PPP3R1: variants seen among roughly 807,000 people sequenced by gnomAD.
PPP3R1 encodes calcineurin subunit B type 1.
In PPP3R1, 5 loss-of-function variants were observed where a neutral mutation model predicts 22.6. The ratio of observed to expected loss-of-function variants is 0.22; its 90% CI spans 0.12 to 0.46. The LOEUF (loss-of-function observed/expected upper bound fraction) is 0.46, where lower values mean the gene tolerates loss of function less well. Among genes scored for constraint, PPP3R1 ranks in the 20% least tolerant of loss-of-function variants. The probability of loss-of-function intolerance (pLI) is 0.99; values close to 1 mark genes in which losing one functional copy is unlikely to be tolerated. For synonymous variants in PPP3R1, 56 were observed against 65.2 expected (o/e 0.86, Z 0.68); for missense variants, 61 against 203.2 (o/e 0.30, Z 4.25).
At chr2:68,239,915 A>T (rs183592379) in intron 1 of PPP3R1, among the ~76,000 whole-genome samples, 1 of 152,322 alleles carries the variant, frequency 6.6e-6, no homozygotes, top group Non-Finnish European at 1.5e-5. Context: ...CAACTTTATG[A>T]TGGTACCCAT....
chr2:68,248,522 A>G (rs1330450901), intron 1 of PPP3R1, among the ~76,000 whole-genome samples: 1 of 152,188 alleles, frequency 6.6e-6, no homozygotes, highest in Non-Finnish European at 1.5e-5. Context: ...AGCCTATATC[A>G]CAATTACCTG....
chr2:68,187,032 G>T (rs1335537424), intron 4 of PPP3R1, among the ~76,000 whole-genome samples: 1 of 152,184 alleles, frequency 6.6e-6, no homozygotes, highest in Non-Finnish European at 1.5e-5. Context: ...TCAGCAGAAA[G>T]AAACTGTTTT....
At chr2:68,215,959 T>C (rs1558636419) in intron 2 of PPP3R1, among the ~76,000 whole-genome samples, 1 of 152,170 alleles carries the variant, frequency 6.6e-6, no homozygotes, top group Non-Finnish European at 1.5e-5. Flanking sequence ...ACTATAAGAA[T>C]GTTGTTTTAT....
intron 1 of PPP3R1, among the ~76,000 whole-genome samples, chr2:68,224,748 A>G (rs1354892610): frequency 6.6e-6 from 1 of 152,188 alleles, no homozygotes; most frequent in African/African-American, 2.4e-5. Flanking sequence ...TGGACAGAAT[A>G]AAGTAAACAC....
intron 2 of PPP3R1, among the ~76,000 whole-genome samples, chr2:68,192,673 T>C (rs890636029): frequency 1.3e-5 from 2 of 152,136 alleles, no homozygotes; most frequent in Non-Finnish European, 2.9e-5. Flanking sequence ...TAAATATATG[T>C]GGTTCAATCC....
At chr2:68,252,008 T>C in intron 1 of PPP3R1, 117 bp downstream of exon 1, 24 of 1,049,392 alleles carry the variant, frequency 2.3e-5, no homozygotes, top group South Asian at 3.0e-5. Flanking sequence ...CGGGCCCGGG[T>C]CTCTGGAATT....
At chr2:68,201,879 C>A (rs1383715020) in intron 2 of PPP3R1, among the ~76,000 whole-genome samples, 1 of 152,180 alleles carries the variant, frequency 6.6e-6, no homozygotes, top group East Asian at 1.9e-4. Context: ...TAGGTAACAA[C>A]TTCTATGTCT....
intron 1 of PPP3R1, among the ~76,000 whole-genome samples, chr2:68,232,122 T>TACACACACACAA (rs1165774321): frequency 2.1e-5 from 1 of 48,178 alleles, no homozygotes; most frequent in African/African-American, 1.0e-4. Context: ...TATATATATA[T>TACACACACACAA]ATACACACAC....
At chr2:68,223,441 A>G (rs1669725256) in intron 1 of PPP3R1, among the ~76,000 whole-genome samples, 1 of 152,218 alleles carries the variant, frequency 6.6e-6, no homozygotes, top group Admixed American at 6.5e-5. Flanking sequence ...ATGTTTCTCT[A>G]TGACCAATAA....
chr2:68,214,586 T>C (rs961195097), intron 2 of PPP3R1, among the ~76,000 whole-genome samples: 6 of 152,176 alleles, frequency 3.9e-5, no homozygotes, highest in African/African-American at 7.2e-5. Flanking sequence ...TTAGATACTG[T>C]CTCACACCAG....
chr2:68,195,753 A>G (rs1288538420), intron 2 of PPP3R1, among the ~76,000 whole-genome samples: 2 of 152,188 alleles, frequency 1.3e-5, no homozygotes, highest in African/African-American at 4.8e-5. Context: ...TACTTACATC[A>G]GCATGGACTC....
intron 5 of PPP3R1, among the ~76,000 whole-genome samples, chr2:68,182,086 C>G (rs868623857): frequency 3.4e-5 from 4 of 117,866 alleles, no homozygotes; most frequent in African/African-American, 9.2e-5. Context: ...CCCCTCCCCC[C>G]ACCACACACA....
chr2:68,203,880 G>A (rs373739001), intron 2 of PPP3R1, among the ~76,000 whole-genome samples: 1 of 152,264 alleles, frequency 6.6e-6, no homozygotes, highest in South Asian at 2.1e-4. Flanking sequence ...CAAAAGGAGA[G>A]GTTCCTTCAG....
intron 1 of PPP3R1, among the ~76,000 whole-genome samples, chr2:68,236,046 C>T (rs1670013063): frequency 6.6e-6 from 1 of 151,630 alleles, no homozygotes; most frequent in Non-Finnish European, 1.5e-5. Context: ...CTTTTTATTG[C>T]TGAGTTATAA....
intron 5 of PPP3R1, among the ~76,000 whole-genome samples, chr2:68,182,077 CCCT>C (rs200578226): frequency 0.38 from 29,099 of 77,266 alleles, 4,500 homozygotes; most frequent in African/African-American, 0.47. Flanking sequence ...TCCAACCCCC[CCCT>C]CCCCCCACCA....
intron 1 of PPP3R1, among the ~76,000 whole-genome samples, chr2:68,247,938 G>A (rs777095038): frequency 6.6e-6 from 1 of 151,846 alleles, no homozygotes; most frequent in Non-Finnish European, 1.5e-5. Flanking sequence ...TTATCCACCC[G>A]GCCATCAGAA....
In PPP3R1 at chr2:68,252,415, A is replaced by G; in HGVS notation, c.-288T>C. Reference sequence around the variant, plus strand: ...AGGCAGGAGAGGCAGAGAAGAAGAAAGGAGGGGGAGAGGGGGCGAAGACGG... The same window carrying G: ...AGGCAGGAGAGGCAGAGAAGAAGAAGGGAGGGGGAGAGGGGGCGAAGACGG... On this transcript the variant is annotated 5_prime_UTR_variant, in exon 1 of 6. Transcript: ENST00000234310. 7.0e-6 allele frequency: 7 copies of G among 994,900 alleles called. No individual in the cohort carries two copies. The highest frequency in any genetic ancestry group is 8.4e-6 in the Non-Finnish European group (7 of 837,298). The allele number at this position is 994,900 out of a possible 1,614,324, so 61.6% of individuals were successfully genotyped here. A position where few individuals can be genotyped will look rare whatever the true frequency, so the allele number is the denominator to read the frequency against.
chr2:68,248,104 G>C (rs1484977218), intron 1 of PPP3R1, among the ~76,000 whole-genome samples: 3 of 152,048 alleles, frequency 2.0e-5, no homozygotes, highest in African/African-American at 4.8e-5. Context: ...TTCCTCTCCA[G>C]CCACGCTAAA....
chr2:68,183,438 A>G (rs1674463611), intron 5 of PPP3R1, among the ~76,000 whole-genome samples: 1 of 152,160 alleles, frequency 6.6e-6, no homozygotes, highest in Non-Finnish European at 1.5e-5. Flanking sequence ...GGTCCAGATT[A>G]TTTTTACAGA....
Sources: allele counts gnomAD v4.1 joint callset (sites outside exome capture counted in the v4.1 genomes callset), GRCh38; gene constraint gnomAD v4.1.1; transcripts MANE v1.5; gene names NCBI Gene and HGNC (gene_info 2026-07-23, HGNC 2026-07-21).